MED13: variants seen among roughly 807,000 people sequenced by gnomAD.
MED13 encodes mediator of RNA polymerase II transcription subunit 13.
Under a neutral mutation model 225.2 loss-of-function variants are expected in MED13, and 23 were observed. That is an observed-to-expected ratio of 0.10 (90% confidence interval 0.07 to 0.14). The LOEUF is 0.14. MED13 is among the 10% of genes least tolerant of loss of function. The pLI is 1.00. For missense variants in MED13, 2,197 were observed against 2,594.5 expected (o/e 0.85, Z 3.33); for synonymous variants, 942 against 889.2 (o/e 1.06, Z -1.06).
Position 61,995,972 on chromosome 17 carries a change from C to T in MED13, c.1968-607G>A, listed in dbSNP as rs151256385. Among the ~76,000 whole-genome samples, 473 of 152,260 alleles carry T rather than the reference C, an allele frequency of 3.1e-3. 4 individuals are homozygous for T. Among genetic ancestry groups the T allele is most frequent in the African/African-American group, 0.011 (453 of 41,552 alleles). ...GAGTTTTCTAATCACATTGGCACAT[C>T]AATTTTTAAGTTATTAGTCTTCTGG... is the stretch of plus-strand genomic sequence containing the variant. On this transcript the variant is annotated intron_variant, in intron 9 of 29. Coordinates refer to ENST00000397786, the MANE Select transcript of MED13 (RefSeq NM_005121.3).
intron 8 of MED13, among the ~76,000 whole-genome samples, chr17:62,017,873 C>T (rs1198209794): frequency 3.3e-5 from 5 of 152,158 alleles, no homozygotes; most frequent in Admixed American, 2.0e-4. Flanking sequence ...AGTACAATGG[C>T]TATTTTGAGG....
chr17:62,064,674 A>C (rs768089084), intron 1 of MED13, among the ~76,000 whole-genome samples: 1 of 152,216 alleles, frequency 6.6e-6, no homozygotes, highest in Non-Finnish European at 1.5e-5. Context: ...AAAAAAATGT[A>C]AAACCAAGAC....
chr17:61,960,724 A>T, intron 23 of MED13, 143 bp downstream of exon 23: 1 of 518,738 alleles, frequency 1.9e-6, no homozygotes, highest in Non-Finnish European at 3.3e-6. Context: ...ACATTCACTA[A>T]AGAAAAAAGT....
rs2080043615 is a variant in MED13, at chr17:61,965,072, T to C, written c.4778A>G (p.Gln1593Arg). ...TGATTCTCCAGAAATCCCAGCTGTC[T>C]GTAGAGCTGATGTCTGTTGCCCTCC... is the stretch of plus-strand genomic sequence containing the variant. Reference protein sequence around the residue: ...QLGGQQTSALQTAGISGESSS... With the variant: ...QLGGQQTSALRTAGISGESSS... The change falls in exon 20 of 30, where the codon CAG (glutamine) becomes CGG (arginine). Residue 1593 changes from glutamine to arginine, a missense_variant. Physicochemically the swap from Gln to Arg is conservative, Grantham distance 43. This residue lies in a region of MED13 where 457 missense variants were observed against 442.2 expected (regional missense o/e 1.03). Coordinates refer to ENST00000397786, the MANE Select transcript of MED13 (RefSeq NM_005121.3). 1.2e-6 allele frequency: 2 copies of C among 1,614,206 alleles called. No individual in the cohort carries two copies. Among genetic ancestry groups the C allele is most frequent in the Non-Finnish European group, 8.5e-7 (1 of 1,180,022 alleles).
intron 2 of MED13, among the ~76,000 whole-genome samples, chr17:62,054,487 C>A (rs968555062): frequency 2.0e-5 from 3 of 151,980 alleles, no homozygotes; most frequent in African/African-American, 7.3e-5. Context: ...CCATTTAAAA[C>A]CAAAACGTTT....
At chr17:62,062,590 CACACACACACCACACACA>C (rs956847324) in intron 2 of MED13, among the ~76,000 whole-genome samples, 13 of 78,306 alleles carry the variant, frequency 1.7e-4, no homozygotes, top group African/African-American at 8.7e-4. Context: ...CACACACACA[CACACACACACCACACACA>C]CACACACACA....
rs1237415413 is a variant in MED13 at position 62,063,259 on chromosome 17, C to T, written c.109G>A (p.Gly37Ser). 4.3e-6 allele frequency: 7 copies of T among 1,613,946 alleles called. No individual in the cohort carries two copies. The East Asian group carries it at 1.3e-4, about 31-fold the overall frequency. Residue 37 changes from glycine to serine, a missense_variant, in exon 2 of 30, where the codon GGC becomes AGC. Gly to Ser is a moderately conservative substitution (Grantham distance 56). Transcript: ENST00000397786. ...GIKWKKYVWQ[G>S]PTSAPILFPV... ...AACAGAATAGGGGCAGAAGTTGGGCCTTGCCATACATATTTTTTCCACTTA... is the reference window on the plus strand; with the variant it reads ...AACAGAATAGGGGCAGAAGTTGGGCTTTGCCATACATATTTTTTCCACTTA...
intron 4 of MED13, among the ~76,000 whole-genome samples, 197 bp from the exon 5 acceptor site, chr17:62,034,181 CTG>C (rs2080782191): frequency 6.6e-6 from 1 of 152,140 alleles, no homozygotes; most frequent in African/African-American, 2.4e-5. Flanking sequence ...ATTATATAAA[CTG>C]TTAAAAATTT....
intron 12 of MED13, among the ~76,000 whole-genome samples, chr17:61,986,017 T>C (rs943105977): frequency 2.6e-5 from 4 of 152,208 alleles, no homozygotes; most frequent in Non-Finnish European, 5.9e-5. Context: ...TAACATTTGT[T>C]CCATGTCTTC....
intron 16 of MED13, among the ~76,000 whole-genome samples, chr17:61,981,679 G>T (rs577037863): frequency 3.3e-5 from 5 of 152,242 alleles, no homozygotes; most frequent in African/African-American, 1.2e-4. Context: ...TATCTTATCT[G>T]ACCATACATC....
At chr17:62,053,059 C>T (rs1451916906) in intron 2 of MED13, among the ~76,000 whole-genome samples, 1 of 152,184 alleles carries the variant, frequency 6.6e-6, no homozygotes, top group Non-Finnish European at 1.5e-5. Context: ...ATGCCAATTT[C>T]TAAGCTGGCT....
intron 23 of MED13, among the ~76,000 whole-genome samples, chr17:61,957,655 CTT>C (rs893471165): frequency 2.0e-5 from 3 of 151,586 alleles, no homozygotes; most frequent in African/African-American, 7.3e-5. Flanking sequence ...ACCCAGCAAA[CTT>C]TTTTTAAAGA....
intron 2 of MED13, among the ~76,000 whole-genome samples, chr17:62,062,725 G>C (rs2081050970): frequency 6.6e-6 from 1 of 151,954 alleles, no homozygotes; most frequent in Admixed American, 6.6e-5. Flanking sequence ...GTTACATCTG[G>C]CTTCTAAACT....
At chr17:62,028,096 T>C (rs1032194622) in intron 8 of MED13, among the ~76,000 whole-genome samples, 2 of 152,102 alleles carry the variant, frequency 1.3e-5, no homozygotes, top group African/African-American at 2.4e-5. Context: ...AAGACACATA[T>C]ACGCAAATGT....
chr17:62,051,610 T>A (rs1161469154), intron 3 of MED13, among the ~76,000 whole-genome samples: 1 of 151,434 alleles, frequency 6.6e-6, no homozygotes, highest in African/African-American at 2.4e-5. Context: ...ACTCATCCAG[T>A]CTTACTAAAA....
chr17:62,032,130 A>G (rs1311009752), intron 5 of MED13, among the ~76,000 whole-genome samples: 1 of 152,016 alleles, frequency 6.6e-6, no homozygotes, highest in African/African-American at 2.4e-5. Context: ...GGGTTTATTT[A>G]AAGTGAGCAC....
chr17:61,986,118 G>A (rs1009832280), intron 12 of MED13, among the ~76,000 whole-genome samples: 2 of 152,162 alleles, frequency 1.3e-5, no homozygotes, highest in African/African-American at 2.4e-5. Flanking sequence ...TACAGGAATG[G>A]TAGTAGAGAG....
rs904743629 is a variant in MED13, at chr17:62,009,937, T to A, written c.1967+613A>T. ...TGTACTGAAATAATAAGTACCAAAT[T>A]GAGGCCAGGTGCGGTGGCTCATGCC... On this transcript the variant is annotated intron_variant, in intron 9 of 29. Coordinates refer to ENST00000397786, the MANE Select transcript of MED13 (RefSeq NM_005121.3). Among the ~76,000 whole-genome samples the A allele has an allele frequency of 9.9e-5, 15 of 152,186 alleles. 1 individual carries two copies. The highest frequency in any genetic ancestry group is 8.5e-4 in the Admixed American group (13 of 15,278).
At chr17:62,022,069 G>A (rs949271935) in intron 8 of MED13, among the ~76,000 whole-genome samples, 9 of 151,740 alleles carry the variant, frequency 5.9e-5, no homozygotes, top group African/African-American at 1.9e-4. Context: ...TCAGGAGGCT[G>A]AGGCACAAGA....
Sources: allele counts gnomAD v4.1 joint callset (sites outside exome capture counted in the v4.1 genomes callset), GRCh38; gene constraint gnomAD v4.1.1; regional missense constraint gnomAD v4.1.1; transcripts MANE v1.5; gene names NCBI Gene and HGNC (gene_info 2026-07-23, HGNC 2026-07-21).